FMN2: variants seen among roughly 807,000 people sequenced by gnomAD.
The protein encoded by FMN2 is formin-2.
FMN2 carries 51 observed loss-of-function variants against 142.3 expected under a neutral mutation model. The ratio of observed to expected loss-of-function variants is 0.36; its 90% confidence interval spans 0.29 to 0.45. The LOEUF is 0.45. Among genes scored for constraint, FMN2 ranks in the 20% least tolerant of loss-of-function variants. The probability of loss-of-function intolerance (pLI) is 1.00; values close to 1 mark genes in which losing one functional copy is unlikely to be tolerated. For missense variants in FMN2, 1,936 were observed against 2,122.8 expected, an observed-to-expected ratio of 0.91 and a Z score of 1.73; for synonymous variants, 882 against 869.8, an observed-to-expected ratio of 1.01 and a Z score of -0.25.
chr1:240,143,417 C>T (rs986573658), intron 2 of FMN2: 278 of 1,428,712 alleles, frequency 1.9e-4, no homozygotes, highest in Middle Eastern at 1.8e-4. Flanking sequence ...AGGGCAATCC[C>T]CAGAACAGCC....
At chr1:240,364,042 G>A (rs778248040) in intron 14 of FMN2, among the ~76,000 whole-genome samples, 6 of 152,190 alleles carry the variant, frequency 3.9e-5, no homozygotes, top group Admixed American at 2.6e-4. Context: ...TATTTCTGCT[G>A]TGCTGAAGAA....
At chr1:240,290,478 G>A (rs924080462) in intron 7 of FMN2, among the ~76,000 whole-genome samples, 4 of 152,138 alleles carry the variant, frequency 2.6e-5, no homozygotes, top group Non-Finnish European at 4.4e-5. Context: ...CTGAACCAAT[G>A]TGTTTACAGG....
rs188314585 is a variant in FMN2 at position 240,283,657 on chromosome 1, C to A, written c.4154-11165C>A. Among the ~76,000 whole-genome samples the A allele has an allele frequency of 2.0e-5, 3 of 152,226 alleles. No individual in the cohort carries two copies. The East Asian group carries it at 5.8e-4, about 29-fold the overall frequency. On this transcript the variant is annotated intron_variant, in intron 7 of 17. Transcript: ENST00000319653. ...TAGGCTCTTAAAAATCTTCTTGGAG[C>A]GACCAACCACATACTTTTATACAAT...
chr1:240,252,244 TCTTC>T lies in FMN2; in HGVS notation c.4066-5697_4066-5694del, dbSNP rs561791328. 2.5e-3 allele frequency among the ~76,000 whole-genome samples: 382 copies of T among 152,266 alleles called. 1 individual carries two copies. Among genetic ancestry groups the T allele is most frequent in the South Asian group, 0.022 (108 of 4,812 alleles). On this transcript the variant is annotated intron_variant, in intron 6 of 17. Coordinates refer to ENST00000319653, the MANE Select transcript of FMN2 (RefSeq NM_020066.5). ...ATTTCTGATTGCTTTGTATATCCTT[TCTTC>T]CTTTCTTTTTCTCTTATTGTTCATC... is the stretch of plus-strand genomic sequence containing the variant.
At chr1:240,144,316 C>T in intron 2 of FMN2, 1 of 1,607,322 alleles carries the variant, frequency 6.2e-7, no homozygotes, top group Non-Finnish European at 8.5e-7. Flanking sequence ...ACCTGTTGTT[C>T]TCTAGGTGGG....
At chr1:240,308,337 C>T (rs893167258) in intron 8 of FMN2, among the ~76,000 whole-genome samples, 4 of 152,182 alleles carry the variant, frequency 2.6e-5, no homozygotes, top group African/African-American at 9.7e-5. Flanking sequence ...CTTTGTAAGA[C>T]TTGAACTTTT....
intron 14 of FMN2, among the ~76,000 whole-genome samples, chr1:240,371,099 C>T (rs1206634811): frequency 6.6e-6 from 1 of 151,900 alleles, no homozygotes; most frequent in Non-Finnish European, 1.5e-5. Context: ...CCACCATGCC[C>T]AGCTGATTTT....
At chr1:240,188,385 C>G in intron 4 of FMN2, 123 bp downstream of exon 4, 1 of 888,508 alleles carries the variant, frequency 1.1e-6, no homozygotes. Flanking sequence ...TTTCCCTAAG[C>G]CTGCAGTGGA....
At chr1:240,244,671 G>C (rs1668020748) in intron 6 of FMN2, among the ~76,000 whole-genome samples, 1 of 152,278 alleles carries the variant, frequency 6.6e-6, no homozygotes, top group Non-Finnish European at 1.5e-5. Context: ...CTTTTCAAAA[G>C]AAGTATTCAG....
intron 2 of FMN2, among the ~76,000 whole-genome samples, chr1:240,132,281 T>C (rs1662771541): frequency 1.3e-5 from 2 of 152,168 alleles, no homozygotes; most frequent in African/African-American, 4.8e-5. Context: ...GCATAGACCA[T>C]AGGTTGTATG....
At chr1:240,367,554 G>A (rs1672714472) in intron 14 of FMN2, among the ~76,000 whole-genome samples, 2 of 151,976 alleles carry the variant, frequency 1.3e-5, no homozygotes, top group South Asian at 4.1e-4. Flanking sequence ...GGATCACGAG[G>A]TCAGGAGATC....
chr1:240,293,888 T>G (rs1669876499), intron 7 of FMN2, among the ~76,000 whole-genome samples: 1 of 152,184 alleles, frequency 6.6e-6, no homozygotes, highest in Non-Finnish European at 1.5e-5. Flanking sequence ...TCTTGGGATT[T>G]TGCCAGAGTC....
At chr1:240,348,524 A>AT (rs35008419) in intron 13 of FMN2, among the ~76,000 whole-genome samples, 13,157 of 144,036 alleles carry the variant, frequency 0.091, 714 homozygotes, top group South Asian at 0.15. Flanking sequence ...CGCCCAGCCT[A>AT]TTTTTTTTTT....
At chr1:240,310,489 T>C (rs1188991229) in intron 8 of FMN2, among the ~76,000 whole-genome samples, 1 of 152,128 alleles carries the variant, frequency 6.6e-6, no homozygotes, top group East Asian at 1.9e-4. Context: ...AAAACCACAA[T>C]CCTGAGGACT....
chr1:240,356,820 C>T (rs1672288731), intron 14 of FMN2, among the ~76,000 whole-genome samples: 1 of 152,148 alleles, frequency 6.6e-6, no homozygotes, highest in Admixed American at 6.5e-5. Flanking sequence ...ATGAATTAGT[C>T]ATACTACAAT....
At chr1:240,371,074 G>T (rs1422787523) in intron 14 of FMN2, among the ~76,000 whole-genome samples, 2 of 152,054 alleles carry the variant, frequency 1.3e-5, no homozygotes, top group Non-Finnish European at 2.9e-5. Context: ...GAGTAGCTGG[G>T]ATTACAGGCA....
intron 13 of FMN2, among the ~76,000 whole-genome samples, chr1:240,340,108 G>GT (rs1293258607): frequency 1.3e-5 from 2 of 151,884 alleles, no homozygotes; most frequent in East Asian, 1.9e-4. Flanking sequence ...TTTCTTTTCA[G>GT]TTTTTTTCCA....
At chr1:240,246,264 G>A (rs959334538) in intron 6 of FMN2, among the ~76,000 whole-genome samples, 1 of 152,224 alleles carries the variant, frequency 6.6e-6, no homozygotes, top group African/African-American at 2.4e-5. Context: ...TCCGCATTCT[G>A]TTGTCCGTAA....
Position 240,103,876 on chromosome 1 carries a change from C to T in FMN2, c.1615+10152C>T, listed in dbSNP as rs115124958. On this transcript the variant is annotated intron_variant, in intron 1 of 17. Transcript: ENST00000319653. ...TACATATTAAATATATTAATATAGA[C>T]ATTATTATTATTTTTTTTTGTGACG... Among the ~76,000 whole-genome samples the T allele has an allele frequency of 4.5e-3, 688 of 151,420 alleles. 3 individuals carry two copies. Among genetic ancestry groups the T allele is most frequent in the African/African-American group, 0.016 (668 of 41,030 alleles).
Sources: allele counts gnomAD v4.1 joint callset (sites outside exome capture counted in the v4.1 genomes callset), GRCh38; gene constraint gnomAD v4.1.1; transcripts MANE v1.5; gene names NCBI Gene and HGNC (gene_info 2026-07-23, HGNC 2026-07-21).